Variants in ASXL3 observed in about 807,000 individuals in gnomAD.
ASXL3 encodes putative Polycomb group protein ASXL3.
A neutral mutation model predicts 170.6 loss-of-function variants in ASXL3; 34 were observed. The ratio of observed to expected loss-of-function variants is 0.20; its 90% CI spans 0.15 to 0.27. ASXL3 has a LOEUF of 0.27. Among genes scored for constraint, ASXL3 ranks in the 10% least tolerant of loss-of-function variants. ASXL3 has a pLI of 1.00. For synonymous variants in ASXL3, 1,002 were observed against 989.1 expected (o/e 1.01, Z -0.24); for missense variants, 2,592 against 2,695.3 (o/e 0.96, Z 0.85).
chr18:33,683,585 G>A lies in ASXL3; in HGVS notation c.879+17G>A, dbSNP rs2066547780. ...GATAGGCAGGTAAGTAGAAGTTTTA[G>A]ACATTTGATACCAGCCACTAGTTAT... On this transcript the variant is annotated intron_variant, in intron 8 of 11. Transcript: ENST00000269197. 4 of 1,601,556 alleles carry A rather than the reference G, an allele frequency of 2.5e-6. No individual in the cohort carries two copies. The South Asian group carries it at 3.4e-5, about 13-fold the overall frequency.
intron 1 of ASXL3, among the ~76,000 whole-genome samples, chr18:33,581,290 T>A (rs2064989904): frequency 1.3e-5 from 2 of 152,156 alleles, no homozygotes; most frequent in South Asian, 4.1e-4. Flanking sequence ...TAGCCTTTTC[T>A]TCATCAAATA....
rs1384549536 is a variant in ASXL3, at chr18:33,578,496, C to A, written c.-136C>A. ...CCGCCGCCGCCGCCGCCGCCGCCGC[C>A]GCCACCGCCCGCGCGCCTCCCCCCG... is the stretch of plus-strand genomic sequence containing the variant. On this transcript the variant is annotated 5_prime_UTR_variant, in exon 1 of 12. Coordinates refer to ENST00000269197, the MANE Select transcript of ASXL3 (RefSeq NM_030632.3). 8.5e-6 allele frequency: 3 copies of A among 354,072 alleles called. No individual in the cohort carries two copies. The highest frequency in any genetic ancestry group is 1.1e-4 in the South Asian group (1 of 9,168). 21.9% of individuals were successfully genotyped at this position (354,072 alleles called of 1,614,324 possible). A position where few individuals can be genotyped will look rare whatever the true frequency, so the allele number is the denominator to read the frequency against.
chr18:33,734,478 T>C, intron 10 of ASXL3, 63 bp downstream of exon 10: 1 of 1,083,466 alleles, frequency 9.2e-7, no homozygotes, highest in Non-Finnish European at 1.3e-6. Flanking sequence ...ATTCTCTGCT[T>C]CACATAGCAC....
intron 1 of ASXL3, among the ~76,000 whole-genome samples, chr18:33,589,736 G>A (rs2065062250): frequency 6.6e-6 from 1 of 152,022 alleles, no homozygotes; most frequent in South Asian, 2.1e-4. Context: ...AATAACCTTA[G>A]TATATCAATC....
At chr18:33,698,473 G>A (rs1233770571) in intron 8 of ASXL3, among the ~76,000 whole-genome samples, 2 of 152,178 alleles carry the variant, frequency 1.3e-5, no homozygotes. Flanking sequence ...TGTGGAAGCA[G>A]TGAATAACTA....
At chr18:33,654,923 G>T (rs1361668433) in intron 4 of ASXL3, among the ~76,000 whole-genome samples, 2 of 151,990 alleles carry the variant, frequency 1.3e-5, no homozygotes, top group African/African-American at 4.8e-5. Flanking sequence ...AGAGATAATA[G>T]TATAACTAAA....
chr18:33,739,339 T>G lies in ASXL3; in HGVS notation c.1935T>G (p.Leu645=). Reference sequence around the variant, plus strand: ...AAGAATCATGTACTCCAGCCTCCCTTGAGACAACATTTTGTTCTGAGGTAT... The same window carrying G: ...AAGAATCATGTACTCCAGCCTCCCTGGAGACAACATTTTGTTCTGAGGTAT... ...TSEESCTPAS[L]ETTFCSEVSS... Residue 645 remains leucine (L), a synonymous_variant, in exon 11 of 12, where the codon CTT becomes CTG. Coordinates refer to ENST00000269197, the MANE Select transcript of ASXL3 (RefSeq NM_030632.3). The G allele has an allele frequency of 1.2e-6, 2 of 1,613,502 alleles. No homozygotes were observed. Among genetic ancestry groups the G allele is most frequent in the Non-Finnish European group, 1.7e-6 (2 of 1,179,622 alleles).
At chr18:33,637,469 A>G (rs2065785244) in intron 2 of ASXL3, among the ~76,000 whole-genome samples, 1 of 152,172 alleles carries the variant, frequency 6.6e-6, no homozygotes. Context: ...CAGATATCCC[A>G]CAGAACAGAT....
intron 8 of ASXL3, among the ~76,000 whole-genome samples, chr18:33,728,522 A>T (rs1388789242): frequency 6.6e-6 from 1 of 152,200 alleles, no homozygotes; most frequent in African/African-American, 2.4e-5. Context: ...TATATCATTT[A>T]TATGACTATC....
chr18:33,727,591 C>A (rs142650592), intron 8 of ASXL3, among the ~76,000 whole-genome samples: 227 of 152,186 alleles, frequency 1.5e-3, no homozygotes, highest in African/African-American at 5.2e-3. Context: ...AGTTTTTCTC[C>A]TCCTAATGAA....
chr18:33,617,858 A>G (rs757169112), intron 2 of ASXL3, among the ~76,000 whole-genome samples: 3 of 152,306 alleles, frequency 2.0e-5, no homozygotes, highest in East Asian at 1.9e-4. Flanking sequence ...AGTCTTTCCA[A>G]GTATCCTATG....
At chr18:33,696,421 C>T (rs970430172) in intron 8 of ASXL3, among the ~76,000 whole-genome samples, 2 of 152,106 alleles carry the variant, frequency 1.3e-5, no homozygotes, top group Non-Finnish European at 2.9e-5. Flanking sequence ...ATTGGCTTTT[C>T]CCCATTAATA....
At chr18:33,671,656 A>T in intron 6 of ASXL3, 91 bp from the exon 7 acceptor site, 2 of 1,165,876 alleles carry the variant, frequency 1.7e-6, no homozygotes, top group Non-Finnish European at 2.4e-6. Context: ...AGAAAAGGAG[A>T]TTATATCTAC....
At chr18:33,628,793 A>C (rs2145167364) in intron 2 of ASXL3, among the ~76,000 whole-genome samples, 1 of 152,304 alleles carries the variant, frequency 6.6e-6, no homozygotes, top group Admixed American at 6.5e-5. Context: ...TTTAAGTATA[A>C]CATGGTACAT....
At chr18:33,684,255 A>G (rs1599490703) in intron 8 of ASXL3, among the ~76,000 whole-genome samples, 1 of 152,162 alleles carries the variant, frequency 6.6e-6, no homozygotes, top group African/African-American at 2.4e-5. Flanking sequence ...TCTAGGAAAC[A>G]TTCCCTTATG....
At position 33,744,464 on chromosome 18, in the gene ASXL3, T is replaced by C. The variant is rs2067731580; in HGVS notation, c.4616T>C (p.Phe1539Ser). The C allele has an allele frequency of 6.2e-7, 1 of 1,613,466 alleles. No individual in the cohort carries two copies. The change falls in exon 12 of 12, where the codon TTC becomes TCC. Residue 1539 changes from phenylalanine (F) to serine (S), a missense_variant. By Grantham distance (155) the Phe-to-Ser change is radical. Coordinates refer to ENST00000269197, the MANE Select transcript of ASXL3 (RefSeq NM_030632.3). ...ANEGIDHSST[F>S]IAASAAKQDS... ...GAAGGTATAGATCACAGTTCCACTTTCATTGCTGCTTCGGCAGCAAAACAA... is the reference window on the plus strand; with the variant it reads ...GAAGGTATAGATCACAGTTCCACTTCCATTGCTGCTTCGGCAGCAAAACAA...
intron 11 of ASXL3, among the ~76,000 whole-genome samples, chr18:33,742,305 A>G (rs2067677578): frequency 6.6e-6 from 1 of 152,236 alleles, no homozygotes; most frequent in African/African-American, 2.4e-5. Context: ...GCAGCATGCA[A>G]GGTAGCATAG....
At chr18:33,697,490 G>A (rs576227883) in intron 8 of ASXL3, among the ~76,000 whole-genome samples, 1 of 152,206 alleles carries the variant, frequency 6.6e-6, no homozygotes, top group East Asian at 1.9e-4. Flanking sequence ...TTTTGGAAAC[G>A]GTTTGATACT....
At chr18:33,639,011 T>C (rs1568296658) in intron 2 of ASXL3, among the ~76,000 whole-genome samples, 1 of 152,190 alleles carries the variant, frequency 6.6e-6, no homozygotes. Flanking sequence ...AATTAAAATC[T>C]TTTTAAAAAT....
Sources: allele counts gnomAD v4.1 joint callset (sites outside exome capture counted in the v4.1 genomes callset), GRCh38; gene constraint gnomAD v4.1.1; transcripts MANE v1.5; gene names NCBI Gene and HGNC (gene_info 2026-07-23, HGNC 2026-07-21).